Variants in KAZN observed in about 807,000 individuals in gnomAD.
KAZN encodes the protein kazrin.
In KAZN, 40 loss-of-function variants were observed where a neutral mutation model predicts 87.4. The ratio of observed to expected loss-of-function variants is 0.46; its 90% CI spans 0.36 to 0.60. The LOEUF is 0.60. KAZN is among the 20% of genes least tolerant of loss of function. KAZN has a pLI of 0.00. For synonymous variants in KAZN, 466 were observed against 458.3 expected, an observed-to-expected ratio of 1.02 and a Z score of -0.22; for missense variants, 898 against 1,073.9, an observed-to-expected ratio of 0.84 and a Z score of 2.29.
intron 2 of KAZN, among the ~76,000 whole-genome samples, chr1:14,519,896 AG>A (rs1671494473): frequency 6.6e-6 from 1 of 152,090 alleles, no homozygotes; most frequent in Non-Finnish European, 1.5e-5. Context: ...GCATGAAGTC[AG>A]AACATAGAGT....
At chr1:14,255,010 A>T (rs1650376295) in intron 2 of KAZN, among the ~76,000 whole-genome samples, 1 of 151,636 alleles carries the variant, frequency 6.6e-6, no homozygotes, top group Admixed American at 6.6e-5. Flanking sequence ...AATCCCACCT[A>T]CTCAGGAGGC....
chr1:15,054,352 G>A lies in KAZN; in HGVS notation c.727-1739G>A, dbSNP rs535149939. ...CTCCTCTGCCCTGTCATGAGCCCCCGGAGCCAATCAGAAGTAGAAAATGAC... is the reference window on the plus strand; with the variant it reads ...CTCCTCTGCCCTGTCATGAGCCCCCAGAGCCAATCAGAAGTAGAAAATGAC... On this transcript the variant is annotated intron_variant, in intron 4 of 14. Coordinates refer to ENST00000376030, the MANE Select transcript of KAZN (RefSeq NM_201628.3). Among the ~76,000 whole-genome samples, 37 of 152,108 alleles carry A rather than the reference G, an allele frequency of 2.4e-4. 1 individual carries two copies. The highest frequency in any genetic ancestry group is 1.3e-3 in the Admixed American group (20 of 15,256).
chr1:15,088,669 T>A (rs569902462), intron 8 of KAZN, among the ~76,000 whole-genome samples: 1 of 152,186 alleles, frequency 6.6e-6, no homozygotes, highest in Non-Finnish European at 1.5e-5. Flanking sequence ...AATGCCTGCA[T>A]TTTGGAAACT....
At chr1:14,783,520 T>C (rs1404297034) in intron 1 of KAZN, among the ~76,000 whole-genome samples, 2 of 152,096 alleles carry the variant, frequency 1.3e-5, no homozygotes, top group Non-Finnish European at 2.9e-5. Flanking sequence ...TTTATCTATG[T>C]GCCACGTCCT....
intron 5 of KAZN, among the ~76,000 whole-genome samples, chr1:15,059,523 T>C (rs189187670): frequency 1.3e-5 from 2 of 152,024 alleles, no homozygotes; most frequent in Non-Finnish European, 2.9e-5. Context: ...CTCTGGTGTG[T>C]AGAGTGGAGT....
At chr1:14,855,114 G>T (rs559021369) in intron 1 of KAZN, among the ~76,000 whole-genome samples, 1 of 152,154 alleles carries the variant, frequency 6.6e-6, no homozygotes, top group Non-Finnish European at 1.5e-5. Context: ...GAGACGACGG[G>T]AGTCTAGGAA....
At position 15,094,768 on chromosome 1, in the gene KAZN, G is replaced by A. The variant is rs571432463; in HGVS notation, c.1429-47G>A. On this transcript the variant is annotated intron_variant, in intron 9 of 14. Transcript: ENST00000376030. This position sits in a 1 kb window ranked among gnomAD's most constrained non-coding sequence, Gnocchi z 4.5. The stretch of plus-strand genomic sequence containing the variant: ...AGACCCCCTCTAGGGCAGGAACCCC[G>A]CCGGCAGCTGTCCCAGCCCCCATAT... 124 of 1,421,538 alleles carry A rather than the reference G, an allele frequency of 8.7e-5. 1 individual carries two copies. Among genetic ancestry groups the A allele is most frequent in the South Asian group, 8.0e-4 (65 of 80,762 alleles). The allele number at this position is 1,421,538 out of a possible 1,614,324, so 88.1% of individuals were successfully genotyped here. A position where few individuals can be genotyped will look rare whatever the true frequency, so the allele number is the denominator to read the frequency against.
chr1:15,013,718 C>T (rs534361812), intron 2 of KAZN, among the ~76,000 whole-genome samples: 110 of 151,210 alleles, frequency 7.3e-4, no homozygotes, highest in Non-Finnish European at 1.3e-3. Context: ...CGCACCATTG[C>T]ACTCCAACCT....
intron 2 of KAZN, among the ~76,000 whole-genome samples, chr1:14,335,113 C>A (rs941268806): frequency 6.0e-5 from 9 of 149,990 alleles, no homozygotes; most frequent in East Asian, 4.0e-4. Flanking sequence ...GGTGCCCCCC[C>A]CCCACCACCC....
intron 2 of KAZN, among the ~76,000 whole-genome samples, chr1:14,258,390 AT>A (rs760768355): frequency 0.25 from 31,850 of 125,374 alleles, 3,494 homozygotes; most frequent in East Asian, 0.38. Context: ...TAAATTTTGT[AT>A]TTTTTTTTTT....
At chr1:14,256,190 T>C (rs1186253149) in intron 2 of KAZN, among the ~76,000 whole-genome samples, 2 of 152,182 alleles carry the variant, frequency 1.3e-5, no homozygotes, top group African/African-American at 4.8e-5. Flanking sequence ...TCTCCAAACC[T>C]GTATTTCCCG....
intron 4 of KAZN, among the ~76,000 whole-genome samples, chr1:15,049,834 G>T (rs544048886): frequency 6.6e-6 from 1 of 152,234 alleles, no homozygotes; most frequent in African/African-American, 2.4e-5. Context: ...AGACTAGGTT[G>T]GCCAACATGG....
At chr1:13,985,172 C>G (rs984025921) in intron 1 of KAZN, among the ~76,000 whole-genome samples, 1 of 151,514 alleles carries the variant, frequency 6.6e-6, no homozygotes, top group Non-Finnish European at 1.5e-5. Context: ...TTTTTTTCAG[C>G]AGAATTTTTA....
chr1:15,103,494 G>T, intron 12 of KAZN, 34 bp downstream of exon 12: 1 of 1,383,256 alleles, frequency 7.2e-7, no homozygotes, highest in Non-Finnish European at 1.0e-6. Context: ...GGTGACTCTC[G>T]GGCATACACA....
chr1:14,982,054 A>G (rs1666296130), intron 2 of KAZN, among the ~76,000 whole-genome samples: 1 of 152,170 alleles, frequency 6.6e-6, no homozygotes, highest in Non-Finnish European at 1.5e-5. Flanking sequence ...CCTGTGTGCC[A>G]GGCTGTCTGC....
At chr1:14,555,645 A>G (rs1229480470) in intron 2 of KAZN, among the ~76,000 whole-genome samples, 3 of 152,218 alleles carry the variant, frequency 2.0e-5, no homozygotes, top group Non-Finnish European at 1.5e-5. Context: ...CAGGCATTTT[A>G]GAGTCATTTG....
chr1:14,466,876 G>A (rs1668179114), intron 2 of KAZN, among the ~76,000 whole-genome samples: 2 of 152,188 alleles, frequency 1.3e-5, no homozygotes, highest in Non-Finnish European at 2.9e-5. Flanking sequence ...GGCTGAGGCA[G>A]GAGAATGGCG....
chr1:14,556,263 C>A (rs554634692), intron 2 of KAZN, among the ~76,000 whole-genome samples: 8 of 152,164 alleles, frequency 5.3e-5, no homozygotes, highest in African/African-American at 1.9e-4. Context: ...GTACCCACCA[C>A]CACACCCGGC....
At chr1:14,138,586 G>A (rs1262178474) in intron 1 of KAZN, among the ~76,000 whole-genome samples, 5 of 152,144 alleles carry the variant, frequency 3.3e-5, no homozygotes, top group African/African-American at 1.2e-4. Flanking sequence ...AAGGGAAGGT[G>A]GACATCTCCG....
Sources: gnomAD v4.1 joint callset for allele counts (sites outside exome capture counted in the v4.1 genomes callset) on GRCh38, gnomAD v4.1.1 for gene constraint, Gnocchi (gnomAD v3.1) non-coding constraint, MANE v1.5 for transcripts, NCBI Gene and HGNC (gene_info 2026-07-23, HGNC 2026-07-21) for gene names.